The following SV2B variants were observed in gnomAD, a reference collection of about 807,000 sequenced individuals.
SV2B encodes synaptic vesicle glycoprotein 2B.
SV2B carries 41 observed loss-of-function variants against 73.9 expected under a neutral mutation model. That is an observed-to-expected ratio of 0.56 (90% confidence interval 0.43 to 0.72). The LOEUF (loss-of-function observed/expected upper bound fraction) is 0.72. Among genes scored for constraint, SV2B ranks in the 30% least tolerant of loss-of-function variants. SV2B has a pLI of 0.00. For missense variants in SV2B, 764 were observed against 857.8 expected, an observed-to-expected ratio of 0.89 and a Z score of 1.37; for synonymous variants, 314 against 314.2, an observed-to-expected ratio of 1.00 and a Z score of 0.01.
At position 91,115,590 on chromosome 15, in the gene SV2B, T is replaced by A. The variant is rs2042156500; in HGVS notation, c.-392+15227T>A. On this transcript the variant is annotated intron_variant, in intron 1 of 12. Transcript: ENST00000394232. The surrounding 1 kb of genome is among the most constrained non-coding windows in gnomAD (Gnocchi z 4.3). ...CAGGGTCTCGCCATGTTGCCCAGGC[T>A]GGTCTTGAACTCCTGAACTCAAGCG... is the stretch of plus-strand genomic sequence containing the variant. Among the ~76,000 whole-genome samples, 1 of 152,062 alleles carries A rather than the reference T, an allele frequency of 6.6e-6. No homozygotes were observed. Among genetic ancestry groups the A allele is most frequent in the African/African-American group, 2.4e-5 (1 of 41,462 alleles).
At position 91,298,366 on chromosome 15, in the gene SV2B, A is replaced by G. The variant is rs899216330; in HGVS notation, c.*5814A>G. ...AGAACCGTTTGGAAATAAATCACATAGAGCCTTTGATTGTGAGGCAGGCTT... is the reference window on the plus strand; with the variant it reads ...AGAACCGTTTGGAAATAAATCACATGGAGCCTTTGATTGTGAGGCAGGCTT... On this transcript the variant is annotated 3_prime_UTR_variant, in exon 13 of 13. Transcript: ENST00000394232. This position sits in a 1 kb window ranked among gnomAD's most constrained non-coding sequence, Gnocchi z 5.4. The G allele has an allele frequency of 2.0e-5, 3 of 152,208 alleles. No homozygotes were observed. Among genetic ancestry groups the G allele is most frequent in the African/African-American group, 7.2e-5 (3 of 41,456 alleles). The allele number at this position is 152,208 out of a possible 1,614,324, so 9.4% of individuals were successfully genotyped here.
rs374843754 is a variant in SV2B, at chr15:91,130,265, G to T, written c.-392+29902G>T. Among the ~76,000 whole-genome samples the T allele has an allele frequency of 4.6e-5, 7 of 152,308 alleles. No individual in the cohort carries two copies. The highest frequency in any genetic ancestry group is 1.7e-4 in the African/African-American group (7 of 41,564). On this transcript the variant is annotated intron_variant, in intron 1 of 12. Coordinates refer to ENST00000394232, the MANE Select transcript of SV2B (RefSeq NM_001323032.3). The surrounding 1 kb of genome is among the most constrained non-coding windows in gnomAD (Gnocchi z 5.6). ...GGGCAACTGGGAGAGAGGATGGGAG[G>T]AGTGTTGGAGGAATACTGAATTCCA... is the stretch of plus-strand genomic sequence containing the variant.
At chr15:91,131,836 G>T (rs2042662393) in intron 1 of SV2B, among the ~76,000 whole-genome samples, 1 of 152,112 alleles carries the variant, frequency 6.6e-6, no homozygotes, top group South Asian at 2.1e-4. Flanking sequence ...GGTGGCAGGT[G>T]CCTGTAATCC....
Position 91,267,209 on chromosome 15 carries a change from GTTT to G in SV2B, c.1120-345_1120-343del. ...CCTTCATGGTGTATGGTCAGTAAAT[GTTT>G]GCAATATCCCCCTTGCCCACAGGCA... On this transcript the variant is annotated intron_variant, in intron 7 of 12. Coordinates refer to ENST00000394232, the MANE Select transcript of SV2B (RefSeq NM_001323032.3). The surrounding 1 kb of genome is among the most constrained non-coding windows in gnomAD (Gnocchi z 4.3). Among the ~76,000 whole-genome samples, 1 of 152,212 alleles carries G rather than the reference GTTT, an allele frequency of 6.6e-6. No individual in the cohort carries two copies. The highest frequency in any genetic ancestry group is 1.5e-5 in the Non-Finnish European group (1 of 68,036).
At chr15:91,175,832 G>A (rs962364063) in intron 1 of SV2B, among the ~76,000 whole-genome samples, 10 of 150,912 alleles carry the variant, frequency 6.6e-5, no homozygotes, top group Non-Finnish European at 1.5e-4. Flanking sequence ...CAGATGCCGT[G>A]AATTTTCTTT....
chr15:91,284,111 A>C lies in SV2B; in HGVS notation c.1598A>C (p.Asp533Ala), dbSNP rs771072396. 20 of 1,614,080 alleles carry C rather than the reference A, an allele frequency of 1.2e-5. No homozygotes were observed. In the East Asian group the frequency reaches 4.0e-4, roughly 32 times the overall value. The stretch of plus-strand genomic sequence containing the variant: ...GGCTGCCACATGGACTTGGAGCAAG[A>C]TAATGACTTCCTGATTTACCTCGTC... ...KEGCHMDLEQ[D>A]NDFLIYLVSF... is the part of the protein sequence containing the mutation. The change falls in exon 11 of 13, where the codon GAT becomes GCT. Residue 533 changes from aspartate (D) to alanine (A), a missense_variant. By Grantham distance (126) the Asp-to-Ala change is moderately radical. Coordinates refer to ENST00000394232, the MANE Select transcript of SV2B (RefSeq NM_001323032.3). This position sits in a 1 kb window ranked among gnomAD's most constrained non-coding sequence, Gnocchi z 4.5.
In SV2B at chr15:91,252,632, G is replaced by A. The variant is rs143256644; in HGVS notation, c.784+112G>A. On this transcript the variant is annotated intron_variant, in intron 4 of 12. Transcript: ENST00000394232. The surrounding 1 kb of genome is among the most constrained non-coding windows in gnomAD (Gnocchi z 4.6). ...ATGTACTCACGCACAGTTCCCGTAC[G>A]TGACCTTGATCTTTCTTAACAACTT... is the stretch of plus-strand genomic sequence containing the variant. The A allele has an allele frequency of 9.1e-5, 104 of 1,144,804 alleles. No individual in the cohort carries two copies. Among genetic ancestry groups the A allele is most frequent in the African/African-American group, 8.8e-4 (55 of 62,248 alleles). The allele number at this position is 1,144,804 out of a possible 1,614,324, so 70.9% of individuals were successfully genotyped here.
At chr15:91,196,281 G>A (rs1355797346) in intron 1 of SV2B, among the ~76,000 whole-genome samples, 1 of 152,198 alleles carries the variant, frequency 6.6e-6, no homozygotes, top group Non-Finnish European at 1.5e-5. Flanking sequence ...TGTGTCTAGA[G>A]GGCGAGAGGG....
Position 91,280,164 on chromosome 15 carries a change from T to G in SV2B, c.1374-1564T>G, listed in dbSNP as rs1178486951. On this transcript the variant is annotated intron_variant, in intron 9 of 12. Transcript: ENST00000394232. The surrounding 1 kb of genome is among the most constrained non-coding windows in gnomAD (Gnocchi z 5.8). ...TGGTGAACACTTGCCCGGGACTTCT[T>G]GTGTGGGGTCTTTTAGCAGAAGCTA... Among the ~76,000 whole-genome samples, 1 of 152,186 alleles carries G rather than the reference T, an allele frequency of 6.6e-6. No individual in the cohort carries two copies. The highest frequency in any genetic ancestry group is 1.5e-5 in the Non-Finnish European group (1 of 68,020).
chr15:91,184,605 C>T (rs936596838), intron 1 of SV2B, among the ~76,000 whole-genome samples: 1 of 152,156 alleles, frequency 6.6e-6, no homozygotes, highest in African/African-American at 2.4e-5. Context: ...TTTCTTTCTT[C>T]TTTAGCTTGT....
Position 91,129,440 on chromosome 15 carries a change from G to A in SV2B, c.-392+29077G>A, listed in dbSNP as rs2042578900. ...AACTGGGGGAGGAAGGAGCATTGAG[G>A]CTGAGTCAAGTGCAATGGTGGGGAT... On this transcript the variant is annotated intron_variant, in intron 1 of 12. Coordinates refer to ENST00000394232, the MANE Select transcript of SV2B (RefSeq NM_001323032.3). This position sits in a 1 kb window ranked among gnomAD's most constrained non-coding sequence, Gnocchi z 5.1. 6.6e-6 allele frequency among the ~76,000 whole-genome samples: 1 copy of A among 152,184 alleles called. No individual in the cohort carries two copies. Among genetic ancestry groups the A allele is most frequent in the Admixed American group, 6.5e-5 (1 of 15,282 alleles).
At chr15:91,207,678 G>GT (rs2045695042) in intron 1 of SV2B, among the ~76,000 whole-genome samples, 1 of 152,138 alleles carries the variant, frequency 6.6e-6, no homozygotes, top group African/African-American at 2.4e-5. Flanking sequence ...CTTATTTAAC[G>GT]TAAGTTTTAT....
chr15:91,280,838 C>A lies in SV2B; in HGVS notation c.1374-890C>A, dbSNP rs1398002183. 6.6e-6 allele frequency among the ~76,000 whole-genome samples: 1 copy of A among 152,240 alleles called. No homozygotes were observed. The highest frequency in any genetic ancestry group is 1.5e-5 in the Non-Finnish European group (1 of 68,046). The stretch of plus-strand genomic sequence containing the variant: ...TTCCATTGTGCCTCCCTGGAAACAA[C>A]CGTTTCTATCAGTTTCTTGTGTAGC... On this transcript the variant is annotated intron_variant, in intron 9 of 12. Coordinates refer to ENST00000394232, the MANE Select transcript of SV2B (RefSeq NM_001323032.3). The surrounding 1 kb of genome is among the most constrained non-coding windows in gnomAD (Gnocchi z 5.8).
chr15:91,234,500 C>T lies in SV2B; in HGVS notation c.451+7786C>T, dbSNP rs2046703748. 6.6e-6 allele frequency among the ~76,000 whole-genome samples: 1 copy of T among 152,156 alleles called. No homozygotes were observed. The highest frequency in any genetic ancestry group is 2.1e-4 in the South Asian group (1 of 4,834). On this transcript the variant is annotated intron_variant, in intron 2 of 12. Coordinates refer to ENST00000394232, the MANE Select transcript of SV2B (RefSeq NM_001323032.3). The surrounding 1 kb of genome is among the most constrained non-coding windows in gnomAD (Gnocchi z 5.6). Reference sequence around the variant, plus strand: ...AGCAGAGGCAAAGCAGAAATCAGAACAGTCTGACCTATGTAGACCTGTGGT... The same window carrying T: ...AGCAGAGGCAAAGCAGAAATCAGAATAGTCTGACCTATGTAGACCTGTGGT...
intron 1 of SV2B, among the ~76,000 whole-genome samples, chr15:91,177,032 A>G (rs1289006077): frequency 1.3e-5 from 2 of 150,980 alleles, no homozygotes; most frequent in African/African-American, 4.9e-5. Flanking sequence ...TAGGTCTAAC[A>G]TTTAAGTCTT....
chr15:91,261,771 A>C lies in SV2B; in HGVS notation c.1008+1362A>C, dbSNP rs992201682. ...TTTGTTTCTTGCCAGTTTTAAAAGC[A>C]GACAAAACAAACAAACAAAAAACCA... is the stretch of plus-strand genomic sequence containing the variant. On this transcript the variant is annotated intron_variant, in intron 6 of 12. Coordinates refer to ENST00000394232, the MANE Select transcript of SV2B (RefSeq NM_001323032.3). The surrounding 1 kb of genome is among the most constrained non-coding windows in gnomAD (Gnocchi z 4.7). 6.6e-6 allele frequency among the ~76,000 whole-genome samples: 1 copy of C among 152,220 alleles called. No individual in the cohort carries two copies. The highest frequency in any genetic ancestry group is 1.5e-5 in the Non-Finnish European group (1 of 68,040).
chr15:91,290,114 G>A lies in SV2B; in HGVS notation c.1868+434G>A, dbSNP rs1473104581. On this transcript the variant is annotated intron_variant, in intron 12 of 12. Transcript: ENST00000394232. The surrounding 1 kb of genome is among the most constrained non-coding windows in gnomAD (Gnocchi z 4.7). ...AGGGAATCTGCAGAGAATGTGGCAG[G>A]GAGGCCCAGGGGTTACTTTTATTTT... is the stretch of plus-strand genomic sequence containing the variant. 6.6e-6 allele frequency among the ~76,000 whole-genome samples: 1 copy of A among 152,176 alleles called. No individual in the cohort carries two copies. Among genetic ancestry groups the A allele is most frequent in the African/African-American group, 2.4e-5 (1 of 41,428 alleles).
chr15:91,301,968 A>G lies in SV2B; in HGVS notation c.*9416A>G, dbSNP rs149680033. On this transcript the variant is annotated 3_prime_UTR_variant, in exon 13 of 13. Coordinates refer to ENST00000394232, the MANE Select transcript of SV2B (RefSeq NM_001323032.3). This position sits in a 1 kb window ranked among gnomAD's most constrained non-coding sequence, Gnocchi z 4.3. ...GAATGCTCATCACCTGGCATATAGT[A>G]TGGTATAATCACCCCACCAAACCTC... Among the ~76,000 whole-genome samples, 532 of 152,338 alleles carry G rather than the reference A, an allele frequency of 3.5e-3. 2 individuals are homozygous for G. The highest frequency in any genetic ancestry group is 0.012 in the African/African-American group (488 of 41,562).
rs953970659 is a variant in SV2B at position 91,122,957 on chromosome 15, A to T, written c.-392+22594A>T. Among the ~76,000 whole-genome samples the T allele has an allele frequency of 6.6e-6, 1 of 152,202 alleles. No homozygotes were observed. The highest frequency in any genetic ancestry group is 2.4e-5 in the African/African-American group (1 of 41,464). On this transcript the variant is annotated intron_variant, in intron 1 of 12. Transcript: ENST00000394232. The surrounding 1 kb of genome is among the most constrained non-coding windows in gnomAD (Gnocchi z 4.3). ...ATTCTACAACCTGGTAGCTATAGTT[A>T]ATAACAATGTATTGTATTCTTGAAA... is the stretch of plus-strand genomic sequence containing the variant.
Sources: gnomAD v4.1 joint callset for allele counts (sites outside exome capture counted in the v4.1 genomes callset) on GRCh38, gnomAD v4.1.1 for gene constraint, Gnocchi (gnomAD v3.1) non-coding constraint, MANE v1.5 for transcripts, NCBI Gene and HGNC (gene_info 2026-07-23, HGNC 2026-07-21) for gene names.